SLC25A48: variants seen among roughly 807,000 people sequenced by gnomAD.
SLC25A48 encodes CTC-321K16.1.
SLC25A48 carries 29 observed loss-of-function variants against 32.2 expected under a neutral mutation model. The observed-to-expected ratio is 0.90, with a 90% CI of 0.67 to 1.23. The LOEUF (loss-of-function observed/expected upper bound fraction) is 1.23. SLC25A48 is among the 50% of genes most tolerant of loss of function. SLC25A48 has a pLI of 0.00. For missense variants in SLC25A48, 399 were observed against 422.7 expected, an observed-to-expected ratio of 0.94 and a Z score of 0.49; for synonymous variants, 164 against 172.3, an observed-to-expected ratio of 0.95 and a Z score of 0.38.
At chr5:135,756,473 A>G (rs1387275854) in intron 3 of SLC25A48, among the ~76,000 whole-genome samples, 1 of 152,068 alleles carries the variant, frequency 6.6e-6, no homozygotes, top group African/African-American at 2.4e-5. Context: ...CAGGAGTTTG[A>G]GACCAGCCTG....
chr5:135,832,991 G>T (rs1758264732), upstream of SLC25A48, among the ~76,000 whole-genome samples: 1 of 152,236 alleles, frequency 6.6e-6, no homozygotes, highest in Admixed American at 6.5e-5. Flanking sequence ...GTGCTCTGAA[G>T]TGCGAAGGCC....
At chr5:135,641,656 C>T (rs961171277) in intron 3 of SLC25A48, among the ~76,000 whole-genome samples, 1 of 152,178 alleles carries the variant, frequency 6.6e-6, no homozygotes, top group Non-Finnish European at 1.5e-5. Context: ...GGAAAGGGGT[C>T]ATATGAATCT....
intron 4 of SLC25A48, among the ~76,000 whole-genome samples, chr5:135,825,466 C>G (rs1758015446): frequency 6.6e-6 from 1 of 152,176 alleles, no homozygotes; most frequent in Non-Finnish European, 1.5e-5. Context: ...ACACACCCCT[C>G]CCAGCAGGGT....
chr5:135,591,320 C>A (rs1021043311), intron 1 of SLC25A48, among the ~76,000 whole-genome samples: 1 of 152,200 alleles, frequency 6.6e-6, no homozygotes. Context: ...AGAAGTGTGG[C>A]GCATTTGTTC....
intron 3 of SLC25A48, among the ~76,000 whole-genome samples, chr5:135,744,626 C>T (rs547438020): frequency 4.3e-4 from 66 of 152,166 alleles, no homozygotes; most frequent in African/African-American, 1.5e-3. Context: ...CGTGAGCCAC[C>T]GCACTTGGCC....
intron 2 of SLC25A48, among the ~76,000 whole-genome samples, chr5:135,847,263 C>T (rs752399016): frequency 2.0e-5 from 3 of 152,314 alleles, no homozygotes; most frequent in African/African-American, 4.8e-5. Context: ...CAGAACCCAA[C>T]ACTGAGGGCA....
intron 1 of SLC25A48, among the ~76,000 whole-genome samples, chr5:135,608,620 A>C (rs1459059211): frequency 1.3e-5 from 2 of 152,208 alleles, no homozygotes; most frequent in East Asian, 3.9e-4. Context: ...ATGCTGGAGC[A>C]TGCAGGTCAG....
intron 4 of SLC25A48, chr5:135,824,746 A>G (rs1746547617): frequency 6.6e-6 from 1 of 152,346 alleles, no homozygotes; most frequent in Non-Finnish European, 1.5e-5. Context: ...AGGGGCTCCC[A>G]AGATCTGCCC....
intron 4 of SLC25A48, among the ~76,000 whole-genome samples, chr5:135,866,087 T>TC (rs1181641060): frequency 2.0e-5 from 3 of 152,140 alleles, no homozygotes; most frequent in Admixed American, 2.0e-4. Context: ...AACCCACACA[T>TC]CCCTGACTAG....
chr5:135,613,044 A>G (rs556171343), intron 1 of SLC25A48, among the ~76,000 whole-genome samples: 1 of 152,198 alleles, frequency 6.6e-6, no homozygotes, highest in Admixed American at 6.5e-5. Context: ...TCCTACCAAC[A>G]GTGTATGAGT....
At chr5:135,853,895 G>A (rs1220649923) in intron 4 of SLC25A48, among the ~76,000 whole-genome samples, 1 of 152,152 alleles carries the variant, frequency 6.6e-6, no homozygotes, top group African/African-American at 2.4e-5. Flanking sequence ...TACTTCTTAA[G>A]TAACAAGACT....
At chr5:135,660,240 A>G (rs994568424) in intron 3 of SLC25A48, among the ~76,000 whole-genome samples, 4 of 152,202 alleles carry the variant, frequency 2.6e-5, no homozygotes, top group African/African-American at 9.6e-5. Flanking sequence ...CCATGATAAC[A>G]TCTTGCAAAA....
intron 3 of SLC25A48, among the ~76,000 whole-genome samples, chr5:135,750,905 G>A (rs1244337821): frequency 6.6e-6 from 1 of 150,840 alleles, no homozygotes; most frequent in African/African-American, 2.4e-5. Flanking sequence ...TCTCTCTCTG[G>A]CTCTCCTGCA....
chr5:135,581,192 C>T (rs753455492), intron 1 of SLC25A48, among the ~76,000 whole-genome samples: 16 of 152,198 alleles, frequency 1.1e-4, no homozygotes, highest in Non-Finnish European at 2.1e-4. Flanking sequence ...CTGACCATTG[C>T]GGTTATCATG....
intron 7 of SLC25A48, among the ~76,000 whole-genome samples, chr5:135,880,753 G>A (rs560348546): frequency 1.3e-5 from 2 of 152,102 alleles, no homozygotes; most frequent in African/African-American, 2.4e-5. Context: ...TGAATGTCCC[G>A]CCGTCTCTCT....
At chr5:135,588,604 G>T (rs890226287) in intron 1 of SLC25A48, among the ~76,000 whole-genome samples, 1 of 152,238 alleles carries the variant, frequency 6.6e-6, no homozygotes, top group African/African-American at 2.4e-5. Flanking sequence ...TCCCATCCAG[G>T]TTGGGGATTG....
chr5:135,628,417 C>T (rs766430645), intron 1 of SLC25A48, among the ~76,000 whole-genome samples: 2 of 152,102 alleles, frequency 1.3e-5, no homozygotes, highest in African/African-American at 4.8e-5. Context: ...CTGATGGACT[C>T]TACTTGGGAT....
At chr5:135,854,195 C>T (rs1760127211) in intron 4 of SLC25A48, among the ~76,000 whole-genome samples, 2 of 152,202 alleles carry the variant, frequency 1.3e-5, no homozygotes, top group African/African-American at 4.8e-5. Context: ...TTCTTAAAGG[C>T]CCTAGGATTT....
intron 4 of SLC25A48, among the ~76,000 whole-genome samples, chr5:135,859,915 C>T (rs958703669): frequency 6.6e-6 from 1 of 152,132 alleles, no homozygotes; most frequent in Non-Finnish European, 1.5e-5. Flanking sequence ...GTTTGCATAT[C>T]TTGTGACCTC....
Sources: allele counts gnomAD v4.1 joint callset (sites outside exome capture counted in the v4.1 genomes callset), GRCh38; gene constraint gnomAD v4.1.1; transcripts MANE v1.5; gene names NCBI Gene and HGNC (gene_info 2026-07-23, HGNC 2026-07-21).